Variants in ERGIC1 observed in about 807,000 individuals in gnomAD.
ERGIC1 encodes endoplasmic reticulum-golgi intermediate compartment 1.
Under a neutral mutation model 38.3 loss-of-function variants are expected in ERGIC1, and 19 were observed. The ratio of observed to expected loss-of-function variants is 0.50; its 90% CI spans 0.35 to 0.73. ERGIC1 has a LOEUF of 0.73. ERGIC1 is among the 30% of genes least tolerant of loss of function. The pLI is 0.01. For missense variants in ERGIC1, 294 were observed against 389.2 expected (o/e 0.76, Z 2.06); for synonymous variants, 124 against 157.6 (o/e 0.79, Z 1.60).
At chr5:172,908,355 G>GGGGGGGGTGC (rs1438395126) in intron 3 of ERGIC1, among the ~76,000 whole-genome samples, 2 of 63,946 alleles carry the variant, frequency 3.1e-5, no homozygotes, top group African/African-American at 1.4e-4. Context: ...GGGGGGGGTG[G>GGGGGGGGTGC]ATCATGAGGT....
chr5:172,909,769 C>G lies in ERGIC1; in HGVS notation c.250+8C>G. ...CCAATCTGCACTGCGAGTGTGAGTA[C>G]TCCACGCAGCCCCTCCCTCCAGCAG... is the stretch of plus-strand genomic sequence containing the variant. On this transcript the variant is annotated splice_region_variant and intron_variant, in intron 4 of 9. Transcript: ENST00000393784. The G allele has an allele frequency of 6.2e-7, 1 of 1,612,698 alleles. No individual in the cohort carries two copies. Among genetic ancestry groups the G allele is most frequent in the Non-Finnish European group, 8.5e-7 (1 of 1,178,636 alleles).
intron 5 of ERGIC1, 163 bp downstream of exon 5, chr5:172,915,001 TGGATGGGGGTCCAGGCTCCCTGG>T (rs761223407): frequency 2.0e-4 from 222 of 1,131,416 alleles, no homozygotes; most frequent in Non-Finnish European, 2.7e-4. Context: ...GCTGAGAATC[TGGATGGGGGTCCAGGCTCCCTGG>T]GGTTTTAAGC....
At chr5:172,900,732 C>A (rs111797913) in intron 3 of ERGIC1, among the ~76,000 whole-genome samples, 4,620 of 146,446 alleles carry the variant, frequency 0.032, 256 homozygotes, top group African/African-American at 0.11. Context: ...CAAAAAAAAA[C>A]ATGAGGACAT....
chr5:172,946,257 A>C (rs1764119209), intron 9 of ERGIC1, among the ~76,000 whole-genome samples: 1 of 152,152 alleles, frequency 6.6e-6, no homozygotes, highest in African/African-American at 2.4e-5. Context: ...AGGCTGTGGG[A>C]ACTAAGTGTC....
chr5:172,913,162 G>A (rs1025735285), intron 4 of ERGIC1, among the ~76,000 whole-genome samples: 1 of 152,228 alleles, frequency 6.6e-6, no homozygotes, highest in Non-Finnish European at 1.5e-5. Flanking sequence ...CTCAGCGCTA[G>A]TAACTCAGCC....
At chr5:172,939,539 G>A (rs938180892) in intron 9 of ERGIC1, among the ~76,000 whole-genome samples, 6 of 152,366 alleles carry the variant, frequency 3.9e-5, no homozygotes, top group African/African-American at 7.2e-5. Context: ...CTTCGTCAGA[G>A]ACCCAATGCC....
At chr5:172,862,598 A>T (rs1317694029) in intron 1 of ERGIC1, among the ~76,000 whole-genome samples, 1 of 152,102 alleles carries the variant, frequency 6.6e-6, no homozygotes, top group East Asian at 1.9e-4. Context: ...TTCTCTACTG[A>T]CTCAGCAGGG....
intron 1 of ERGIC1, among the ~76,000 whole-genome samples, chr5:172,866,772 G>A (rs563799270): frequency 1.3e-5 from 2 of 152,374 alleles, no homozygotes; most frequent in African/African-American, 4.8e-5. Flanking sequence ...CTATTGTCTA[G>A]TGGAGGCACG....
Position 172,951,996 on chromosome 5 carries a change from G to T in ERGIC1, c.*1180G>T, listed in dbSNP as rs191784867. 6.6e-6 allele frequency: 1 copy of T among 152,356 alleles called. No homozygotes were observed. The highest frequency in any genetic ancestry group is 1.5e-5 in the Non-Finnish European group (1 of 68,070). 9.4% of individuals were successfully genotyped at this position (152,356 alleles called of 1,614,324 possible). A position where few individuals can be genotyped will look rare whatever the true frequency, so the allele number is the denominator to read the frequency against. ...TCCCAGCCCCTGAGGCAGCTCCAGG[G>T]TGCCCCACCTGCTCCTGAGGTGGGT... On this transcript the variant is annotated 3_prime_UTR_variant, in exon 10 of 10. Transcript: ENST00000393784.
chr5:172,949,656 G>GGC (rs1554114790), intron 9 of ERGIC1, among the ~76,000 whole-genome samples: 2 of 34,286 alleles, frequency 5.8e-5, no homozygotes, highest in Admixed American at 4.2e-4. Flanking sequence ...ACAGCGTGGC[G>GGC]GGGGGGGGTA....
At position 172,834,394 on chromosome 5, in the gene ERGIC1, C is replaced by A; in HGVS notation, c.-20C>A. 1.5e-6 allele frequency: 2 copies of A among 1,321,734 alleles called. No homozygotes were observed. The highest frequency in any genetic ancestry group is 1.9e-6 in the Non-Finnish European group (2 of 1,032,464). The allele number at this position is 1,321,734 out of a possible 1,614,324, so 81.9% of individuals were successfully genotyped here. The stretch of plus-strand genomic sequence containing the variant: ...GCGGCCCGCCTGGCCTGCAGCGCTC[C>A]CACCCCCGGCGGCGGCACGATGCCC... On this transcript the variant is annotated 5_prime_UTR_variant, in exon 1 of 10. Transcript: ENST00000393784. This position sits in a 1 kb window ranked among gnomAD's most constrained non-coding sequence, Gnocchi z 4.1.
At chr5:172,836,315 G>A (rs1027668456) in intron 1 of ERGIC1, among the ~76,000 whole-genome samples, 1 of 152,188 alleles carries the variant, frequency 6.6e-6, no homozygotes, top group African/African-American at 2.4e-5. Flanking sequence ...GAAGGGCCCT[G>A]TGTCAGGCAT....
chr5:172,944,852 C>T (rs1424929423), intron 9 of ERGIC1, among the ~76,000 whole-genome samples: 2 of 152,212 alleles, frequency 1.3e-5, no homozygotes, highest in Non-Finnish European at 2.9e-5. Flanking sequence ...CTGCCCCATC[C>T]AGGGTCTCCC....
intron 1 of ERGIC1, among the ~76,000 whole-genome samples, chr5:172,880,159 C>G (rs1001603576): frequency 6.6e-6 from 1 of 152,168 alleles, no homozygotes; most frequent in Non-Finnish European, 1.5e-5. Flanking sequence ...GCCTCAGCCT[C>G]CCCAGTAGCT....
intron 1 of ERGIC1, among the ~76,000 whole-genome samples, chr5:172,855,354 C>T (rs1213163896): frequency 6.6e-6 from 1 of 152,202 alleles, no homozygotes; most frequent in Non-Finnish European, 1.5e-5. Flanking sequence ...CACAGCCCTT[C>T]TGCTGAGATG....
chr5:172,834,554 C>A lies in ERGIC1; in HGVS notation c.20+121C>A. ...CGGCTCCCCGCCCTGTGCATGCCTC[C>A]GCAGGCCCCTAGGGACCCCAGGCGA... On this transcript the variant is annotated intron_variant, in intron 1 of 9. Transcript: ENST00000393784. This position sits in a 1 kb window ranked among gnomAD's most constrained non-coding sequence, Gnocchi z 4.1. 1 of 1,020,474 alleles carries A rather than the reference C, an allele frequency of 9.8e-7. No homozygotes were observed. The highest frequency in any genetic ancestry group is 1.2e-6 in the Non-Finnish European group (1 of 803,390). 63.2% of individuals were successfully genotyped at this position (1,020,474 alleles called of 1,614,324 possible).
chr5:172,949,743 C>G (rs1416914031), intron 9 of ERGIC1, among the ~76,000 whole-genome samples: 1 of 152,034 alleles, frequency 6.6e-6, no homozygotes, highest in African/African-American at 2.4e-5. Flanking sequence ...AAAAAATTCT[C>G]TGGCCCCAAA....
chr5:172,891,963 G>T (rs1166920689), intron 2 of ERGIC1, among the ~76,000 whole-genome samples: 1 of 151,864 alleles, frequency 6.6e-6, no homozygotes, highest in Non-Finnish European at 1.5e-5. Flanking sequence ...TCCCCATTCT[G>T]GTTTGTTGGA....
At position 172,843,463 on chromosome 5, in the gene ERGIC1, T is replaced by G. The variant is rs78250007; in HGVS notation, c.20+9030T>G. ...GATTTTTATTATTCTTCACTAGATC[T>G]TCTCTCCCCTCCCACTTTCACACCA... On this transcript the variant is annotated intron_variant, in intron 1 of 9. Transcript: ENST00000393784. Among the ~76,000 whole-genome samples the G allele has an allele frequency of 4.2e-3, 639 of 152,354 alleles. 9 individuals are homozygous for G. Among genetic ancestry groups the G allele is most frequent in the African/African-American group, 0.015 (608 of 41,578 alleles).
Sources: gnomAD v4.1 joint callset for allele counts (sites outside exome capture counted in the v4.1 genomes callset) on GRCh38, gnomAD v4.1.1 for gene constraint, Gnocchi (gnomAD v3.1) non-coding constraint, MANE v1.5 for transcripts, NCBI Gene and HGNC (gene_info 2026-07-23, HGNC 2026-07-21) for gene names.